SMCHD1: variants seen among roughly 807,000 people sequenced by gnomAD.
SMCHD1 encodes structural maintenance of chromosomes flexible hinge domain-containing protein 1.
SMCHD1 carries 78 observed loss-of-function variants against 254.7 expected under a neutral mutation model. That is an observed-to-expected ratio of 0.31 (90% CI 0.26 to 0.37). The LOEUF (loss-of-function observed/expected upper bound fraction) is 0.37. Among genes scored for constraint, SMCHD1 ranks in the 10% least tolerant of loss-of-function variants. The pLI is 1.00. For missense variants in SMCHD1, 1,840 were observed against 2,408.1 expected (o/e 0.76, Z 4.94); for synonymous variants, 766 against 794.9 (o/e 0.96, Z 0.61).
At chr18:2,748,343 TGTG>T (rs1416051276) in intron 30 of SMCHD1, among the ~76,000 whole-genome samples, 1 of 5,040 alleles carries the variant, frequency 2.0e-4, no homozygotes, top group African/African-American at 3.4e-4. Flanking sequence ...TTTGCAAAGT[TGTG>T]TGTGTGTGTG....
At chr18:2,790,547 G>T (rs1175400877) in intron 45 of SMCHD1, among the ~76,000 whole-genome samples, 1 of 152,058 alleles carries the variant, frequency 6.6e-6, no homozygotes, top group East Asian at 1.9e-4. Context: ...ATCACCTGAG[G>T]TCAGGAATTC....
At position 2,726,491 on chromosome 18, in the gene SMCHD1, G is replaced by C. The variant is rs539501996; in HGVS notation, c.2740G>C (p.Asp914His). ...GGTTACTCTGCCTGGCTTAAAAGAA[G>C]ACTCACAGATTTTGAAAATTAGATT... ...LKVTLPGLKEDSQILKIRLLP... is the reference protein window; with the variant it reads ...LKVTLPGLKEHSQILKIRLLP... The change falls in exon 22 of 48, where the codon GAC becomes CAC. Residue 914 changes from aspartate to histidine, a missense_variant. Asp to His is a moderately conservative substitution (Grantham distance 81, BLOSUM62 -1). This residue lies in a region of SMCHD1 where 881 missense variants were observed against 1,009.5 expected (regional missense o/e 0.87). Coordinates refer to ENST00000320876, the MANE Select transcript of SMCHD1 (RefSeq NM_015295.3). 3.1e-5 allele frequency: 47 copies of C among 1,499,990 alleles called. No homozygotes were observed. Among genetic ancestry groups the C allele is most frequent in the Non-Finnish European group, 4.1e-5 (46 of 1,112,252 alleles). The allele number at this position is 1,499,990 out of a possible 1,614,324, so 92.9% of individuals were successfully genotyped here.
At chr18:2,656,814 G>C (rs117373946) in intron 1 of SMCHD1, among the ~76,000 whole-genome samples, 7,356 of 152,242 alleles carry the variant, frequency 0.048, 275 homozygotes, top group Non-Finnish European at 0.079. Flanking sequence ...GGATCCTTCC[G>C]CACGGAGACA....
At chr18:2,787,670 T>C (rs1274992683) in intron 45 of SMCHD1, among the ~76,000 whole-genome samples, 3 of 152,170 alleles carry the variant, frequency 2.0e-5, no homozygotes, top group Non-Finnish European at 4.4e-5. Context: ...ACTTAAAAAA[T>C]ACACAGATGT....
chr18:2,784,399 G>T (rs2076207071), intron 44 of SMCHD1, 51 bp from the exon 45 acceptor site: 1 of 1,387,590 alleles, frequency 7.2e-7, no homozygotes, highest in Non-Finnish European at 9.7e-7. Context: ...TCCTTTTTTG[G>T]AGCAGTTGAA....
intron 24 of SMCHD1, among the ~76,000 whole-genome samples, chr18:2,732,048 A>G (rs1264590444): frequency 6.6e-6 from 1 of 152,166 alleles, no homozygotes; most frequent in African/African-American, 2.4e-5. Flanking sequence ...TTTAGTCCAC[A>G]TACAATTGTT....
intron 3 of SMCHD1, among the ~76,000 whole-genome samples, chr18:2,668,772 A>G (rs1365978128): frequency 6.6e-6 from 1 of 152,100 alleles, no homozygotes; most frequent in East Asian, 1.9e-4. Flanking sequence ...CCACGCTCTT[A>G]TGGTCACCAA....
At chr18:2,737,658 G>A (rs374725478) in intron 25 of SMCHD1, among the ~76,000 whole-genome samples, 122 of 152,244 alleles carry the variant, frequency 8.0e-4, no homozygotes, top group African/African-American at 2.8e-3. Flanking sequence ...GCTCCAGTGA[G>A]CTATGATCAT....
chr18:2,751,330 T>A lies in SMCHD1; in HGVS notation c.4218T>A (p.Asn1406Lys), dbSNP rs1174250784. ...ATGACAGTATCATTAAAAACATTAATCCAGCACGTATTTCCATGAAAATGT... is the reference window on the plus strand; with the variant it reads ...ATGACAGTATCATTAAAAACATTAAACCAGCACGTATTTCCATGAAAATGT... ...SEDDSIIKNI[N>K]PARISMKMWK... Residue 1406 changes from asparagine (N) to lysine (K), a missense_variant, in exon 33 of 48, where the codon AAT becomes AAA. This residue lies in a region of SMCHD1 where 881 missense variants were observed against 1,009.5 expected (regional missense o/e 0.87). Coordinates refer to ENST00000320876, the MANE Select transcript of SMCHD1 (RefSeq NM_015295.3). 3.8e-6 allele frequency: 6 copies of A among 1,581,384 alleles called. No homozygotes were observed. Among genetic ancestry groups the A allele is most frequent in the Non-Finnish European group, 5.1e-6 (6 of 1,169,460 alleles).
intron 1 of SMCHD1, among the ~76,000 whole-genome samples, chr18:2,664,158 G>A (rs2073372495): frequency 6.6e-6 from 1 of 152,114 alleles, no homozygotes; most frequent in Non-Finnish European, 1.5e-5. Context: ...TTTTTGTAAT[G>A]TATTTAAGGC....
At chr18:2,768,038 G>T (rs1312309689) in intron 37 of SMCHD1, among the ~76,000 whole-genome samples, 1 of 152,094 alleles carries the variant, frequency 6.6e-6, no homozygotes, top group East Asian at 1.9e-4. Flanking sequence ...GACCACCATT[G>T]TACATGTGGT....
chr18:2,729,167 C>A (rs1362096858), intron 23 of SMCHD1, 108 bp from the exon 24 acceptor site: 25 of 876,958 alleles, frequency 2.9e-5, no homozygotes, highest in Non-Finnish European at 3.4e-5. Context: ...TTTTCTTATT[C>A]ATTGCCAGAA....
intron 3 of SMCHD1, among the ~76,000 whole-genome samples, chr18:2,669,140 C>G (rs1228824420): frequency 6.9e-6 from 1 of 145,932 alleles, no homozygotes; most frequent in Non-Finnish European, 1.5e-5. Flanking sequence ...GAGACCAGGA[C>G]TTTAGGACCG....
intron 3 of SMCHD1, among the ~76,000 whole-genome samples, chr18:2,669,043 TAA>T (rs550227541): frequency 2.9e-5 from 4 of 139,458 alleles, no homozygotes; most frequent in African/African-American, 5.3e-5. Context: ...CCCAGCTAAT[TAA>T]AAAAAAAAAA....
intron 17 of SMCHD1, among the ~76,000 whole-genome samples, chr18:2,713,040 G>C (rs2074716104): frequency 6.6e-6 from 1 of 152,154 alleles, no homozygotes; most frequent in Non-Finnish European, 1.5e-5. Flanking sequence ...TCTAGGACAG[G>C]GGTGACAAAC....
chr18:2,713,441 G>A (rs1257608307), intron 17 of SMCHD1, among the ~76,000 whole-genome samples: 1 of 152,094 alleles, frequency 6.6e-6, no homozygotes, highest in Admixed American at 6.5e-5. Flanking sequence ...AAATCCAGCA[G>A]TAAAAGGCAA....
chr18:2,702,074 G>A (rs1389401814), intron 12 of SMCHD1: 1 of 151,664 alleles, frequency 6.6e-6, no homozygotes, highest in Non-Finnish European at 1.5e-5. Context: ...CATTTATTGA[G>A]CAGTGGGTGT....
chr18:2,659,143 A>G (rs759161232), intron 1 of SMCHD1, among the ~76,000 whole-genome samples: 5 of 152,232 alleles, frequency 3.3e-5, no homozygotes, highest in East Asian at 1.9e-4. Context: ...TTTGAGACGG[A>G]GTCTCGCTCT....
rs74530258 is a variant in SMCHD1 at position 2,681,923 on chromosome 18, C to G, written c.639-6471C>G. On this transcript the variant is annotated intron_variant, in intron 5 of 47. Coordinates refer to ENST00000320876, the MANE Select transcript of SMCHD1 (RefSeq NM_015295.3). ...TATTTTAAGCTGTAGAAATGGATCC[C>G]CAACAAGATTTTTCCTAATATTCCT... 6.8e-3 allele frequency among the ~76,000 whole-genome samples: 1,028 copies of G among 152,284 alleles called. 14 individuals are homozygous for G. Among genetic ancestry groups the G allele is most frequent in the African/African-American group, 0.023 (972 of 41,556 alleles).
Sources: allele counts gnomAD v4.1 joint callset (sites outside exome capture counted in the v4.1 genomes callset), GRCh38; gene constraint gnomAD v4.1.1; regional missense constraint gnomAD v4.1.1; transcripts MANE v1.5; gene names NCBI Gene and HGNC (gene_info 2026-07-23, HGNC 2026-07-21).